WDFY2: variants seen among roughly 807,000 people sequenced by gnomAD.
The protein encoded by WDFY2 is WD repeat and FYVE domain-containing protein 2.
WDFY2 carries 36 observed loss-of-function variants against 56.4 expected under a neutral mutation model. That is an observed-to-expected ratio of 0.64 (90% confidence interval 0.49 to 0.84). The LOEUF (loss-of-function observed/expected upper bound fraction) is 0.84, where lower values mean the gene tolerates loss of function less well. Among genes scored for constraint, WDFY2 ranks in the 40% least tolerant of loss-of-function variants. WDFY2 has a pLI of 0.00. For missense variants in WDFY2, 444 were observed against 512.2 expected (o/e 0.87, Z 1.29); for synonymous variants, 176 against 183.7 (o/e 0.96, Z 0.34).
intron 3 of WDFY2, among the ~76,000 whole-genome samples, chr13:51,680,885 A>G (rs912238257): frequency 3.9e-5 from 6 of 152,166 alleles, no homozygotes; most frequent in Non-Finnish European, 7.3e-5. Flanking sequence ...TCTTCATACA[A>G]GTAGGACAGC....
intron 2 of WDFY2, among the ~76,000 whole-genome samples, chr13:51,672,050 C>T (rs924837753): frequency 6.6e-6 from 1 of 152,172 alleles, no homozygotes; most frequent in Non-Finnish European, 1.5e-5. Flanking sequence ...TCCCAAAGTG[C>T]TGGGATTACA....
chr13:51,645,270 G>A (rs1955243210), intron 1 of WDFY2, among the ~76,000 whole-genome samples: 1 of 151,954 alleles, frequency 6.6e-6, no homozygotes. Flanking sequence ...GTGATCTGTA[G>A]AAAAGTATTC....
At chr13:51,736,382 G>A (rs12872555) in intron 6 of WDFY2, among the ~76,000 whole-genome samples, 1 of 152,184 alleles carries the variant, frequency 6.6e-6, no homozygotes, top group African/African-American at 2.4e-5. Flanking sequence ...TCCAGAGCCT[G>A]TACACTTATA....
At chr13:51,612,402 A>G (rs1954520393) in intron 1 of WDFY2, among the ~76,000 whole-genome samples, 1 of 152,224 alleles carries the variant, frequency 6.6e-6, no homozygotes, top group South Asian at 2.1e-4. Flanking sequence ...TCTTGTTACC[A>G]ACTTTTCTTA....
At chr13:51,615,970 G>A (rs997670469) in intron 1 of WDFY2, among the ~76,000 whole-genome samples, 5 of 152,210 alleles carry the variant, frequency 3.3e-5, no homozygotes, top group African/African-American at 1.2e-4. Flanking sequence ...CAGGCCACAT[G>A]TGGTGGTTTT....
chr13:51,734,810 A>T (rs1274445780), intron 6 of WDFY2, among the ~76,000 whole-genome samples: 1 of 152,272 alleles, frequency 6.6e-6, no homozygotes, highest in East Asian at 1.9e-4. Flanking sequence ...AGGGAGAAGC[A>T]TAAAATGAAA....
At position 51,584,637 on chromosome 13, in the gene WDFY2, C is replaced by T. The variant is rs1953898945; in HGVS notation, c.-51C>T. On this transcript the variant is annotated 5_prime_UTR_variant, in exon 1 of 12. Transcript: ENST00000298125. ...CCGTGCTCCAGCAGTCTCCTCAGCCCGGCCCCGCGGCGCGGTTGGCGGCGG... is the reference window on the plus strand; with the variant it reads ...CCGTGCTCCAGCAGTCTCCTCAGCCTGGCCCCGCGGCGCGGTTGGCGGCGG... 5 of 1,575,770 alleles carry T rather than the reference C, an allele frequency of 3.2e-6. No homozygotes were observed. The highest frequency in any genetic ancestry group is 1.8e-5 in the Admixed American group (1 of 54,356).
chr13:51,648,084 C>G (rs1955294350), intron 1 of WDFY2, among the ~76,000 whole-genome samples: 1 of 152,122 alleles, frequency 6.6e-6, no homozygotes, highest in African/African-American at 2.4e-5. Context: ...TCCCTGAGGT[C>G]GCACTTGTCC....
chr13:51,760,364 C>T lies in WDFY2; in HGVS notation c.*595C>T, dbSNP rs919451423. 2.6e-5 allele frequency: 4 copies of T among 152,058 alleles called. No homozygotes were observed. The highest frequency in any genetic ancestry group is 2.0e-4 in the Admixed American group (3 of 15,268). 9.4% of individuals were successfully genotyped at this position (152,058 alleles called of 1,614,324 possible). A position where few individuals can be genotyped will look rare whatever the true frequency, so the allele number is the denominator to read the frequency against. On this transcript the variant is annotated 3_prime_UTR_variant, in exon 12 of 12. Transcript: ENST00000298125. ...CCAGCTGCTGGAATTGCCTGAAGAG[C>T]GATTTGTTTGTAATGTCTGCCTCAT...
rs1228796735 is a variant in WDFY2, at chr13:51,767,513, C to G, written c.*7744C>G. On this transcript the variant is annotated 3_prime_UTR_variant, in exon 12 of 12. Coordinates refer to ENST00000298125, the MANE Select transcript of WDFY2 (RefSeq NM_052950.4). ...GTTACGTTTATTCCACCATGGACACCAAGAATGTATGTAGATGTATTCTAA... is the reference window on the plus strand; with the variant it reads ...GTTACGTTTATTCCACCATGGACACGAAGAATGTATGTAGATGTATTCTAA... The G allele has an allele frequency of 6.6e-6, 1 of 152,098 alleles. No individual in the cohort carries two copies. Among genetic ancestry groups the G allele is most frequent in the African/African-American group, 2.4e-5 (1 of 41,370 alleles). 9.4% of individuals were successfully genotyped at this position (152,098 alleles called of 1,614,324 possible).
chr13:51,755,259 A>T, intron 8 of WDFY2, 99 bp from the exon 9 acceptor site: 1 of 1,122,192 alleles, frequency 8.9e-7, no homozygotes, highest in Non-Finnish European at 1.3e-6. Flanking sequence ...TGTTTCTTTT[A>T]AACACATCCT....
At chr13:51,608,167 T>G (rs1309070477) in intron 1 of WDFY2, among the ~76,000 whole-genome samples, 1 of 152,264 alleles carries the variant, frequency 6.6e-6, no homozygotes, top group Non-Finnish European at 1.5e-5. Flanking sequence ...TGTGTTGTTT[T>G]AAGCCACAAA....
intron 7 of WDFY2, among the ~76,000 whole-genome samples, chr13:51,744,928 A>C (rs1953059621): frequency 2.0e-5 from 3 of 152,230 alleles, no homozygotes; most frequent in Admixed American, 2.0e-4. Flanking sequence ...AAGAAGTCCC[A>C]GAGCAGCTTT....
At chr13:51,715,967 A>G (rs1341541116) in intron 4 of WDFY2, among the ~76,000 whole-genome samples, 2 of 152,224 alleles carry the variant, frequency 1.3e-5, no homozygotes, top group East Asian at 3.8e-4. Context: ...TGGCCAAAAA[A>G]ATGGAAATAA....
chr13:51,604,451 AGGAAAGG>A (rs1441099351), intron 1 of WDFY2, among the ~76,000 whole-genome samples: 3 of 152,128 alleles, frequency 2.0e-5, no homozygotes, highest in African/African-American at 7.2e-5. Context: ...CAAAAACCTA[AGGAAAGG>A]GCAGTTTATT....
At chr13:51,634,768 G>A (rs1223860466) in intron 1 of WDFY2, among the ~76,000 whole-genome samples, 1 of 151,914 alleles carries the variant, frequency 6.6e-6, no homozygotes, top group Non-Finnish European at 1.5e-5. Context: ...CTATAGTAGA[G>A]CAAGGAGGAC....
intron 1 of WDFY2, among the ~76,000 whole-genome samples, chr13:51,649,877 T>C (rs199756802): frequency 1.5e-3 from 228 of 151,640 alleles, no homozygotes; most frequent in African/African-American, 5.0e-3. Flanking sequence ...GTTCTTTTGG[T>C]TTAGGATTGA....
chr13:51,650,605 TGA>T (rs1955359861), intron 1 of WDFY2, among the ~76,000 whole-genome samples: 1 of 152,202 alleles, frequency 6.6e-6, no homozygotes, highest in Non-Finnish European at 1.5e-5. Flanking sequence ...CCTAATTTAT[TGA>T]GAGTTTTTAG....
chr13:51,586,846 T>G (rs1232906047), intron 1 of WDFY2: 1 of 152,218 alleles, frequency 6.6e-6, no homozygotes, highest in Non-Finnish European at 1.5e-5. Flanking sequence ...TAATATACTT[T>G]TTTTCAAGTT....
Sources: allele counts gnomAD v4.1 joint callset (sites outside exome capture counted in the v4.1 genomes callset), GRCh38; gene constraint gnomAD v4.1.1; transcripts MANE v1.5; gene names NCBI Gene and HGNC (gene_info 2026-07-23, HGNC 2026-07-21).